PCDHGA11: variants seen among roughly 807,000 people sequenced by gnomAD.
PCDHGA11 encodes protocadherin gamma subfamily A, 11, also known as protocadherin gamma-A11.
A neutral mutation model predicts 60.4 loss-of-function variants in PCDHGA11; 39 were observed. The ratio of observed to expected loss-of-function variants is 0.65; its 90% CI spans 0.50 to 0.84. The LOEUF (loss-of-function observed/expected upper bound fraction) is 0.84. Among genes scored for constraint, PCDHGA11 ranks in the 40% least tolerant of loss-of-function variants. The pLI, the probability that PCDHGA11 is intolerant of heterozygous loss-of-function variation, is 0.00. For synonymous variants in PCDHGA11, 533 were observed against 510.3 expected, an observed-to-expected ratio of 1.04 and a Z score of -0.60; for missense variants, 1,165 against 1,197.7, an observed-to-expected ratio of 0.97 and a Z score of 0.40.
At chr5:141,473,470 A>G (rs555568617) in intron 1 of PCDHGA11, among the ~76,000 whole-genome samples, 2 of 151,816 alleles carry the variant, frequency 1.3e-5, no homozygotes, top group South Asian at 4.2e-4. Flanking sequence ...AGTTGTGCCA[A>G]GTTCAATGGA....
chr5:141,491,932 G>A lies in PCDHGA11; in HGVS notation c.2434-2875G>A. Reference sequence around the variant, plus strand: ...GGCGACTGTGGGCGAGGGGAGGTGGGACCGACCCCCACCCCTACACTCAAA... The same window carrying A: ...GGCGACTGTGGGCGAGGGGAGGTGGAACCGACCCCCACCCCTACACTCAAA... On this transcript the variant is annotated intron_variant, in intron 1 of 3. Transcript: ENST00000398587. This position sits in a 1 kb window ranked among gnomAD's most constrained non-coding sequence, Gnocchi z 6.9. 1 of 1,259,014 alleles carries A rather than the reference G, an allele frequency of 7.9e-7. No homozygotes were observed. The highest frequency in any genetic ancestry group is 1.1e-6 in the Non-Finnish European group (1 of 926,048). The allele number at this position is 1,259,014 out of a possible 1,614,324, so 78.0% of individuals were successfully genotyped here. A position where few individuals can be genotyped will look rare whatever the true frequency, so the allele number is the denominator to read the frequency against.
intron 1 of PCDHGA11, among the ~76,000 whole-genome samples, chr5:141,448,316 T>C (rs1042171540): frequency 6.6e-6 from 1 of 152,174 alleles, no homozygotes; most frequent in Non-Finnish European, 1.5e-5. Flanking sequence ...AGGAATCTTT[T>C]CTTTGAATCT....
chr5:141,421,633 G>C lies in PCDHGA11; in HGVS notation c.406G>C (p.Glu136Gln), dbSNP rs1369645749. 3 of 1,613,716 alleles carry C rather than the reference G, an allele frequency of 1.9e-6. No individual in the cohort carries two copies. The highest frequency in any genetic ancestry group is 2.5e-6 in the Non-Finnish European group (3 of 1,179,812). The change falls in exon 1 of 4, where the codon GAG becomes CAG. Residue 136 changes from glutamate (E) to glutamine (Q), a missense_variant. Physicochemically the swap from Glu to Gln is conservative, Grantham distance 29 (BLOSUM62 2). Coordinates refer to ENST00000398587, the MANE Select transcript of PCDHGA11 (RefSeq NM_018914.3). Reference sequence around the variant, plus strand: ...TAATGATAACGCCCCCAGCTTCCAGGAGGACGAAGTGGAGATAAAAGTCAG... The same window carrying C: ...TAATGATAACGCCCCCAGCTTCCAGCAGGACGAAGTGGAGATAAAAGTCAG... ...DINDNAPSFQ[E>Q]DEVEIKVSEH... is the part of the protein sequence containing the mutation.
At chr5:141,494,780 G>A (rs1314622459) in intron 1 of PCDHGA11, 27 bp from the exon 2 acceptor site, 13 of 1,613,898 alleles carry the variant, frequency 8.1e-6, no homozygotes, top group African/African-American at 1.3e-5. Context: ...CGGGTACTCA[G>A]CCCCTTTCCC....
rs1022516458 is a variant in PCDHGA11, at chr5:141,476,612, A to G, written c.2434-18195A>G. The G allele has an allele frequency of 1.2e-6, 2 of 1,614,236 alleles. No individual in the cohort carries two copies. The highest frequency in any genetic ancestry group is 2.2e-5 in the South Asian group (2 of 91,080). ...GAGCGCGCACGATCCCGATGTGGGA[A>G]GCAACTCTTTACAAACCTATGAGCT... On this transcript the variant is annotated intron_variant, in intron 1 of 3. Transcript: ENST00000398587. The surrounding 1 kb of genome is among the most constrained non-coding windows in gnomAD (Gnocchi z 7.6).
At chr5:141,502,291 G>A (rs1346186675) in intron 2 of PCDHGA11, among the ~76,000 whole-genome samples, 1 of 151,370 alleles carries the variant, frequency 6.6e-6, no homozygotes, top group African/African-American at 2.5e-5. Context: ...GCATTTGGTT[G>A]TCACGTCTTT....
chr5:141,456,678 T>C (rs2098875796), intron 1 of PCDHGA11, among the ~76,000 whole-genome samples: 1 of 152,152 alleles, frequency 6.6e-6, no homozygotes, highest in South Asian at 2.1e-4. Flanking sequence ...TAAAAATGCA[T>C]TACTGGCCAG....
At chr5:141,467,736 G>T (rs1435480730) in intron 1 of PCDHGA11, among the ~76,000 whole-genome samples, 1 of 151,902 alleles carries the variant, frequency 6.6e-6, no homozygotes, top group Admixed American at 6.6e-5. Context: ...ATCCCAGCTC[G>T]CTGCAACCTC....
At chr5:141,445,964 T>C (rs1199096510) in intron 1 of PCDHGA11, among the ~76,000 whole-genome samples, 2 of 152,280 alleles carry the variant, frequency 1.3e-5, no homozygotes, top group South Asian at 4.1e-4. Context: ...ATATGGAGAA[T>C]TGATTTATGA....
intron 2 of PCDHGA11, among the ~76,000 whole-genome samples, chr5:141,500,138 ACTTTT>A: frequency 6.6e-6 from 1 of 150,560 alleles, no homozygotes; most frequent in Middle Eastern, 3.2e-3. Flanking sequence ...ATCTTTCTAA[ACTTTT>A]CTTTGTGTAA....
At chr5:141,481,982 G>A (rs1378873905) in intron 1 of PCDHGA11, among the ~76,000 whole-genome samples, 2 of 151,628 alleles carry the variant, frequency 1.3e-5, no homozygotes, top group African/African-American at 2.4e-5. Context: ...CTACTTGGGA[G>A]GTTGAAGCAG....
chr5:141,497,573 T>C (rs1231425210), intron 2 of PCDHGA11, among the ~76,000 whole-genome samples: 1 of 149,502 alleles, frequency 6.7e-6, no homozygotes, highest in South Asian at 2.1e-4. Context: ...AGAGTCTTGC[T>C]CTGTTGCCCA....
At chr5:141,437,393 G>T (rs1034237295) in intron 1 of PCDHGA11, among the ~76,000 whole-genome samples, 3 of 152,180 alleles carry the variant, frequency 2.0e-5, no homozygotes, top group Admixed American at 6.5e-5. Flanking sequence ...TTCATCCACT[G>T]CTTTCATTCC....
In PCDHGA11 at chr5:141,433,028, G is replaced by T. The variant is rs539293579; in HGVS notation, c.2433+9368G>T. 27 of 1,614,116 alleles carry T rather than the reference G, an allele frequency of 1.7e-5. No individual in the cohort carries two copies. The highest frequency in any genetic ancestry group is 6.7e-5 in the Admixed American group (4 of 60,018). On this transcript the variant is annotated intron_variant, in intron 1 of 3. Coordinates refer to ENST00000398587, the MANE Select transcript of PCDHGA11 (RefSeq NM_018914.3). ...TTTCCTGCAGACCTATTCCCACGAG[G>T]TTTCCCTCACCACGGACTCGCGGAA...
In PCDHGA11 at chr5:141,476,034, C is replaced by G. The variant is rs934044974; in HGVS notation, c.2434-18773C>G. On this transcript the variant is annotated intron_variant, in intron 1 of 3. Transcript: ENST00000398587. This position sits in a 1 kb window ranked among gnomAD's most constrained non-coding sequence, Gnocchi z 7.6. ...CCATGTCGGACTCGGCGCCCAGCGC[C>G]CAAGCGCTAACCCGCTGAAAGTTTC... The G allele has an allele frequency of 2.0e-6, 3 of 1,464,488 alleles. No homozygotes were observed. Among genetic ancestry groups the G allele is most frequent in the Non-Finnish European group, 2.7e-6 (3 of 1,100,656 alleles). 90.7% of individuals were successfully genotyped at this position (1,464,488 alleles called of 1,614,324 possible). A position where few individuals can be genotyped will look rare whatever the true frequency, so the allele number is the denominator to read the frequency against.
At position 141,489,728 on chromosome 5, in the gene PCDHGA11, G is replaced by T; in HGVS notation, c.2434-5079G>T. ...GACAGTGCCCAGGATCCGGATGTGGGCACCAATACTGTGAGCTTTTACACT... is the reference window on the plus strand; with the variant it reads ...GACAGTGCCCAGGATCCGGATGTGGTCACCAATACTGTGAGCTTTTACACT... On this transcript the variant is annotated intron_variant, in intron 1 of 3. Transcript: ENST00000398587. The surrounding 1 kb of genome is among the most constrained non-coding windows in gnomAD (Gnocchi z 4.5). The T allele has an allele frequency of 3.1e-6, 5 of 1,614,138 alleles. No homozygotes were observed. The South Asian group carries it at 5.5e-5, about 18-fold the overall frequency.
In PCDHGA11 at chr5:141,488,647, T is replaced by TG. The variant is rs535492979; in HGVS notation, c.2434-6155dup. ...CTCACCTTAGCAGCATTCAGCAGGA[T>TG]GGGGGAGGGTGGGGGAATACATGGG... On this transcript the variant is annotated intron_variant, in intron 1 of 3. Transcript: ENST00000398587. Among the ~76,000 whole-genome samples, 173 of 152,088 alleles carry TG rather than the reference T, an allele frequency of 1.1e-3. 1 individual carries two copies. Among genetic ancestry groups the TG allele is most frequent in the African/African-American group, 3.9e-3 (160 of 41,492 alleles).
chr5:141,432,117 C>T lies in PCDHGA11; in HGVS notation c.2433+8457C>T, dbSNP rs761106133. The T allele has an allele frequency of 3.9e-5, 63 of 1,614,062 alleles. No individual in the cohort carries two copies. Among genetic ancestry groups the T allele is most frequent in the Non-Finnish European group, 4.2e-5 (50 of 1,180,048 alleles). On this transcript the variant is annotated intron_variant, in intron 1 of 3. Transcript: ENST00000398587. The surrounding 1 kb of genome is among the most constrained non-coding windows in gnomAD (Gnocchi z 6.0). ...ACCAACGACAACCCGCCGGTCTTCC[C>T]TCAGGCCTCCTATTCCGCTTATATC...
rs17097294 is a variant in PCDHGA11 at position 141,425,513 on chromosome 5, T to G, written c.2433+1853T>G. On this transcript the variant is annotated intron_variant, in intron 1 of 3. Coordinates refer to ENST00000398587, the MANE Select transcript of PCDHGA11 (RefSeq NM_018914.3). ...AGGCTATACCTTTATATTCTCTTTA[T>G]GATGAAACATGAAACAATAATCCTT... Among the ~76,000 whole-genome samples, 699 of 152,380 alleles carry G rather than the reference T, an allele frequency of 4.6e-3. 4 individuals carry two copies. The highest frequency in any genetic ancestry group is 0.015 in the African/African-American group (636 of 41,592).
Sources: gnomAD v4.1 joint callset for allele counts (sites outside exome capture counted in the v4.1 genomes callset) on GRCh38, gnomAD v4.1.1 for gene constraint, Gnocchi (gnomAD v3.1) non-coding constraint, MANE v1.5 for transcripts, NCBI Gene and HGNC (gene_info 2026-07-23, HGNC 2026-07-21) for gene names.